The following CCNK variants were observed in gnomAD, a reference collection of about 807,000 sequenced individuals.
The protein encoded by CCNK is cyclin-K.
CCNK carries 9 observed loss-of-function variants against 65.0 expected under a neutral mutation model. The ratio of observed to expected loss-of-function variants is 0.14; its 90% CI spans 0.08 to 0.24. CCNK has a LOEUF of 0.24. CCNK is among the 10% of genes least tolerant of loss of function. The probability of loss-of-function intolerance (pLI) is 1.00; values close to 1 mark genes in which losing one functional copy is unlikely to be tolerated. For synonymous variants in CCNK, 279 were observed against 270.8 expected (o/e 1.03, Z -0.30); for missense variants, 474 against 720.0 (o/e 0.66, Z 3.91).
chr14:99,483,385 CAA>C (rs975779136), intron 1 of CCNK, among the ~76,000 whole-genome samples: 3 of 148,472 alleles, frequency 2.0e-5, no homozygotes, highest in Non-Finnish European at 3.0e-5. Context: ...CTCACCACTA[CAA>C]AAAAAAAATC....
chr14:99,491,891 T>C (rs1371673510), intron 1 of CCNK: 1 of 152,282 alleles, frequency 6.6e-6, no homozygotes, highest in Non-Finnish European at 1.5e-5. Flanking sequence ...CTAACAGTGG[T>C]CTCTAGATGA....
intron 1 of CCNK, among the ~76,000 whole-genome samples, chr14:99,486,271 T>A (rs1018225069): frequency 1.3e-5 from 2 of 152,218 alleles, no homozygotes; most frequent in African/African-American, 4.8e-5. Context: ...CTTTTTCCCT[T>A]TCTCTAATTT....
At chr14:99,492,922 C>G (rs1433053418) in intron 2 of CCNK, 48 bp downstream of exon 2, 1 of 1,426,440 alleles carries the variant, frequency 7.0e-7, no homozygotes. Context: ...TCCCCACTCA[C>G]CACCAAGAAA....
rs978338448 is a variant in CCNK, at chr14:99,493,007, T to G, written c.197+133T>G. 3 of 796,572 alleles carry G rather than the reference T, an allele frequency of 3.8e-6. No individual in the cohort carries two copies. The Admixed American group carries it at 1.1e-4, about 29-fold the overall frequency. 49.3% of individuals were successfully genotyped at this position (796,572 alleles called of 1,614,324 possible). A position where few individuals can be genotyped will look rare whatever the true frequency, so the allele number is the denominator to read the frequency against. Reference sequence around the variant, plus strand: ...AGTTCTTAAATATCTGTTTGAATGTTGTTTCTGGTGGGGGTTTTTCTCTTT... The same window carrying G: ...AGTTCTTAAATATCTGTTTGAATGTGGTTTCTGGTGGGGGTTTTTCTCTTT... On this transcript the variant is annotated intron_variant, in intron 2 of 10. Coordinates refer to ENST00000389879, the MANE Select transcript of CCNK (RefSeq NM_001099402.2).
chr14:99,491,243 GAGTCGATTCCCAGC>G (rs1896592149), intron 1 of CCNK, among the ~76,000 whole-genome samples: 1 of 152,148 alleles, frequency 6.6e-6, no homozygotes, highest in African/African-American at 2.4e-5. Flanking sequence ...AATATTTTCA[GAGTCGATTCCCAGC>G]AGTGGGAATC....
chr14:99,493,917 G>A (rs1896645916), intron 3 of CCNK: 2 of 220,834 alleles, frequency 9.1e-6, no homozygotes, highest in South Asian at 2.0e-4. Flanking sequence ...TGGAACAGAA[G>A]TTGTCTATGC....
At chr14:99,507,171 G>A in intron 10 of CCNK, 24 bp downstream of exon 10, 2 of 1,451,738 alleles carry the variant, frequency 1.4e-6, no homozygotes, top group Non-Finnish European at 1.9e-6. Context: ...GAAGCAGCTT[G>A]GCCAGCTGTG....
At chr14:99,501,017 A>T in intron 5 of CCNK, 146 bp downstream of exon 5, 1 of 636,618 alleles carries the variant, frequency 1.6e-6, no homozygotes, top group Non-Finnish European at 2.8e-6. Context: ...TCAATTCAGC[A>T]TTGCAGCTGC....
At chr14:99,483,699 G>A (rs1896413024) in intron 1 of CCNK, among the ~76,000 whole-genome samples, 1 of 152,354 alleles carries the variant, frequency 6.6e-6, no homozygotes. Flanking sequence ...AGACACAAGA[G>A]TTAAATGTGC....
intron 10 of CCNK, 194 bp downstream of exon 10, chr14:99,507,341 C>T (rs1046910736): frequency 2.1e-5 from 12 of 576,394 alleles, no homozygotes; most frequent in Admixed American, 2.0e-4. Flanking sequence ...CTTTGGGAGG[C>T]GGAGGCAGGA....
intron 4 of CCNK, among the ~76,000 whole-genome samples, chr14:99,499,434 A>G (rs890570307): frequency 2.0e-5 from 3 of 152,234 alleles, no homozygotes; most frequent in African/African-American, 7.2e-5. Flanking sequence ...TAGTCTTGCC[A>G]TGTAATTTGG....
At chr14:99,503,704 C>A in intron 9 of CCNK, 60 bp downstream of exon 9, 4 of 1,385,996 alleles carry the variant, frequency 2.9e-6, no homozygotes, top group South Asian at 2.6e-5. Context: ...ACTTTAAATT[C>A]TTAGCCAACA....
intron 1 of CCNK, among the ~76,000 whole-genome samples, chr14:99,489,724 G>A (rs1024460711): frequency 6.6e-6 from 1 of 152,110 alleles, no homozygotes; most frequent in African/African-American, 2.4e-5. Flanking sequence ...GTATGAGTAT[G>A]TTAAATATTT....
intron 9 of CCNK, chr14:99,505,263 C>T (rs935904155): frequency 3.3e-5 from 5 of 152,268 alleles, no homozygotes; most frequent in African/African-American, 1.2e-4. Context: ...AGCATGCTGG[C>T]TGCGGGGCAG....
chr14:99,493,712 A>G (rs908343631), intron 3 of CCNK, 117 bp downstream of exon 3: 4 of 694,632 alleles, frequency 5.8e-6, no homozygotes, highest in Admixed American at 2.9e-5. Context: ...TTATTTTTAT[A>G]TGGTATATAC....
Position 99,501,416 on chromosome 14 carries a change from A to G in CCNK, c.575+3A>G. The G allele has an allele frequency of 6.3e-7, 1 of 1,580,300 alleles. No homozygotes were observed. The highest frequency in any genetic ancestry group is 8.7e-7 in the Non-Finnish European group (1 of 1,151,254). ...GCATGGACATTTGTAAATGACAGGT[A>G]TACATGTTCAAATGTTGATTAATTA... is the stretch of plus-strand genomic sequence containing the variant. On this transcript the variant is annotated splice_donor_region_variant and intron_variant, in intron 6 of 10. Coordinates refer to ENST00000389879, the MANE Select transcript of CCNK (RefSeq NM_001099402.2).
At chr14:99,499,416 A>G (rs1047816788) in intron 4 of CCNK, among the ~76,000 whole-genome samples, 4 of 152,238 alleles carry the variant, frequency 2.6e-5, no homozygotes. Flanking sequence ...ACTAAGATTG[A>G]AAAACCTTAG....
At chr14:99,494,892 G>A (rs1896668488) in intron 3 of CCNK, 1 of 152,222 alleles carries the variant, frequency 6.6e-6, no homozygotes, top group Admixed American at 6.5e-5. Flanking sequence ...TGGTGGAAGG[G>A]AGGAACAAGC....
intron 9 of CCNK, chr14:99,506,514 CA>C (rs1371942508): frequency 6.5e-6 from 1 of 153,674 alleles, no homozygotes; most frequent in Non-Finnish European, 1.4e-5. Context: ...TTGTGAGCGG[CA>C]CATTCTTCCT....
Sources: gnomAD v4.1 joint callset for allele counts (sites outside exome capture counted in the v4.1 genomes callset) on GRCh38, gnomAD v4.1.1 for gene constraint, MANE v1.5 for transcripts, NCBI Gene and HGNC (gene_info 2026-07-23, HGNC 2026-07-21) for gene names.